SND1: variants seen among roughly 807,000 people sequenced by gnomAD.
SND1 encodes staphylococcal nuclease and tudor domain containing 1, also known as staphylococcal nuclease domain-containing protein 1.
A neutral mutation model predicts 121.7 loss-of-function variants in SND1; 38 were observed. That is an observed-to-expected ratio of 0.31 (90% CI 0.24 to 0.41). The LOEUF (loss-of-function observed/expected upper bound fraction) is 0.41. Ranked by LOEUF, SND1 falls within the 10% of genes least tolerant of loss-of-function variation. SND1 has a pLI of 1.00. For synonymous variants in SND1, 401 were observed against 447.4 expected, an observed-to-expected ratio of 0.90 and a Z score of 1.31; for missense variants, 868 against 1,184.6, an observed-to-expected ratio of 0.73 and a Z score of 3.92.
At chr7:127,708,387 CT>C (rs1185133518) in intron 9 of SND1, among the ~76,000 whole-genome samples, 3 of 141,520 alleles carry the variant, frequency 2.1e-5, no homozygotes, top group Non-Finnish European at 4.6e-5. Flanking sequence ...TCCTTCCTTC[CT>C]TCTTCCCTTC....
intron 12 of SND1, among the ~76,000 whole-genome samples, chr7:127,882,079 C>T (rs1250053511): frequency 6.6e-6 from 1 of 151,816 alleles, no homozygotes; most frequent in Non-Finnish European, 1.5e-5. Context: ...ATAGCAAGCC[C>T]CTGTCTCTAC....
At chr7:127,871,136 A>G (rs7785309) in intron 12 of SND1, among the ~76,000 whole-genome samples, 3 of 152,158 alleles carry the variant, frequency 2.0e-5, no homozygotes, top group African/African-American at 4.8e-5. Flanking sequence ...TCAGGGGGCA[A>G]TAATGTAAAT....
intron 16 of SND1, chr7:128,032,034 G>A: frequency 6.6e-6 from 1 of 151,862 alleles, no homozygotes; most frequent in Non-Finnish European, 1.5e-5. Flanking sequence ...CTCGCGCCGG[G>A]CTCGCGGTGT....
chr7:127,893,348 T>TTATACATGGGGGATATCATC (rs1328889093), intron 13 of SND1, among the ~76,000 whole-genome samples: 1 of 152,104 alleles, frequency 6.6e-6, no homozygotes, highest in African/African-American at 2.4e-5. Context: ...TATGTTTTCT[T>TTATACATGGGGGATATCATC]TATACATGGG....
rs1793068784 is a variant in SND1 at position 128,052,792 on chromosome 7, C to G, written c.1780-21710C>G. Reference sequence around the variant, plus strand: ...TTTTGTGCCCTGAAAATCATTCCCTCGGATTTCAGTGTTACTTCGATGGGT... The same window carrying G: ...TTTTGTGCCCTGAAAATCATTCCCTGGGATTTCAGTGTTACTTCGATGGGT... On this transcript the variant is annotated intron_variant, in intron 16 of 23. Transcript: ENST00000354725. The surrounding 1 kb of genome is among the most constrained non-coding windows in gnomAD (Gnocchi z 4.6). 6.6e-6 allele frequency among the ~76,000 whole-genome samples: 1 copy of G among 152,198 alleles called. No homozygotes were observed. Among genetic ancestry groups the G allele is most frequent in the South Asian group, 2.1e-4 (1 of 4,836 alleles).
At chr7:127,843,085 T>A (rs1217205010) in intron 11 of SND1, among the ~76,000 whole-genome samples, 2 of 152,176 alleles carry the variant, frequency 1.3e-5, no homozygotes, top group African/African-American at 4.8e-5. Context: ...CTTTTTTCTT[T>A]CTTTTTAAAA....
At chr7:127,862,973 A>G (rs1343737114) in intron 12 of SND1, among the ~76,000 whole-genome samples, 1 of 152,170 alleles carries the variant, frequency 6.6e-6, no homozygotes, top group Non-Finnish European at 1.5e-5. Context: ...TGATGTCTAT[A>G]TTTTGATTTT....
intron 15 of SND1, among the ~76,000 whole-genome samples, chr7:127,937,409 T>C (rs879721424): frequency 2.0e-5 from 3 of 152,132 alleles, no homozygotes; most frequent in Non-Finnish European, 4.4e-5. Context: ...TTAGCATTTT[T>C]CTTTCCCTCC....
intron 1 of SND1, among the ~76,000 whole-genome samples, chr7:127,658,339 A>G (rs1175398777): frequency 1.3e-5 from 2 of 152,120 alleles, no homozygotes. Flanking sequence ...TGAGAGACTG[A>G]TAAGAAAAAA....
At chr7:127,745,389 T>A (rs944108493) in intron 10 of SND1, among the ~76,000 whole-genome samples, 10 of 152,184 alleles carry the variant, frequency 6.6e-5, no homozygotes, top group African/African-American at 2.4e-4. Flanking sequence ...GACTGAAATG[T>A]CATTATGTGA....
chr7:127,682,342 T>G (rs533577443), intron 1 of SND1, among the ~76,000 whole-genome samples: 1 of 152,338 alleles, frequency 6.6e-6, no homozygotes, highest in South Asian at 2.1e-4. Flanking sequence ...ACTTGTGCCC[T>G]GAAGCCAGGT....
chr7:127,689,135 A>G (rs915697686), intron 2 of SND1, among the ~76,000 whole-genome samples: 56 of 152,236 alleles, frequency 3.7e-4, no homozygotes, highest in African/African-American at 1.1e-3. Context: ...TCGTTTAATG[A>G]AGATTAAACA....
At chr7:127,992,241 A>G (rs1352737268) in intron 16 of SND1, among the ~76,000 whole-genome samples, 1 of 152,142 alleles carries the variant, frequency 6.6e-6, no homozygotes, top group Non-Finnish European at 1.5e-5. Flanking sequence ...AAATCCTTAT[A>G]TTGACATGGA....
In SND1 at chr7:127,652,427, C is replaced by T. The variant is rs1234953229; in HGVS notation, c.54C>T (p.Thr18=). 2 of 1,588,538 alleles carry T rather than the reference C, an allele frequency of 1.3e-6. No individual in the cohort carries two copies. Among genetic ancestry groups the T allele is most frequent in the Admixed American group, 1.8e-5 (1 of 55,370 alleles). The change falls in exon 1 of 24, where the codon ACC becomes ACT. Residue 18 remains threonine (T), a synonymous_variant. Coordinates refer to ENST00000354725, the MANE Select transcript of SND1 (RefSeq NM_014390.4). ...CCTCCGGGGGACCCGCGGTCCCCACCGTGCAGCGGGGCATCATCAAGATGG... is the reference window on the plus strand; with the variant it reads ...CCTCCGGGGGACCCGCGGTCCCCACTGTGCAGCGGGGCATCATCAAGATGG... The part of the protein sequence containing the change: ...GGSSGGPAVP[T]VQRGIIKMVL...
At chr7:127,939,844 G>A (rs2116836706) in intron 15 of SND1, among the ~76,000 whole-genome samples, 1 of 152,264 alleles carries the variant, frequency 6.6e-6, no homozygotes, top group East Asian at 1.9e-4. Context: ...AGGTCAGTGA[G>A]GAGTTTCCTT....
rs568671971 is a variant in SND1 at position 128,032,914 on chromosome 7, A to G, written c.1780-41588A>G. Among the ~76,000 whole-genome samples, 173 of 152,328 alleles carry G rather than the reference A, an allele frequency of 1.1e-3. 3 individuals carry two copies. The highest frequency in any genetic ancestry group is 6.8e-3 in the Middle Eastern group (2 of 294). On this transcript the variant is annotated intron_variant, in intron 16 of 23. Transcript: ENST00000354725. The stretch of plus-strand genomic sequence containing the variant: ...ATGACCAAGTGTGATGAGCTGGGGA[A>G]TGGCAACCTGGGACAGCACAGAGGC...
At chr7:127,871,765 G>C (rs143927952) in intron 12 of SND1, among the ~76,000 whole-genome samples, 5 of 152,246 alleles carry the variant, frequency 3.3e-5, no homozygotes, top group Admixed American at 6.5e-5. Flanking sequence ...TCATTATAAA[G>C]ATATGGATAG....
chr7:127,722,754 A>G (rs1013776703), intron 10 of SND1, among the ~76,000 whole-genome samples: 3 of 152,208 alleles, frequency 2.0e-5, no homozygotes, highest in Admixed American at 1.3e-4. Context: ...GATCATACAT[A>G]AAAACCACGT....
chr7:127,812,880 C>T (rs1005052371), intron 11 of SND1, among the ~76,000 whole-genome samples: 4 of 152,190 alleles, frequency 2.6e-5, no homozygotes, highest in African/African-American at 9.7e-5. Flanking sequence ...ATTCTTGTTC[C>T]TAATTACCTC....
Sources: gnomAD v4.1 joint callset for allele counts (sites outside exome capture counted in the v4.1 genomes callset) on GRCh38, gnomAD v4.1.1 for gene constraint, Gnocchi (gnomAD v3.1) non-coding constraint, MANE v1.5 for transcripts, NCBI Gene and HGNC (gene_info 2026-07-23, HGNC 2026-07-21) for gene names.